POTEE: variants seen among roughly 807,000 people sequenced by gnomAD.
POTEE encodes POTE ankyrin domain family member E, also known as ANKRD26-like family C member 1A.
A neutral mutation model predicts 74.2 loss-of-function variants in POTEE; 21 were observed. The ratio of observed to expected loss-of-function variants is 0.28; its 90% CI spans 0.20 to 0.41. The LOEUF (loss-of-function observed/expected upper bound fraction) is 0.41, where lower values mean the gene tolerates loss of function less well. Ranked by LOEUF, POTEE falls within the 10% of genes least tolerant of loss-of-function variation. The pLI, the probability that POTEE is intolerant of heterozygous loss-of-function variation, is 1.00. For missense variants in POTEE, 525 were observed against 1,158.6 expected (o/e 0.45, Z 7.94); for synonymous variants, 211 against 432.8 (o/e 0.49, Z 6.36).
chr2:131,210,846 T>TGGGGGTGGTTTCAGCA (rs1379536320), intron 1 of POTEE, among the ~76,000 whole-genome samples, 182 bp from the exon 2 acceptor site: 1 of 148,884 alleles, frequency 6.7e-6, no homozygotes, highest in African/African-American at 2.5e-5. Context: ...TGCACCTGGA[T>TGGGGGTGGTTTCAGCA]GGGGGTGGTT....
chr2:131,224,668 C>G (rs1254508752), intron 6 of POTEE, among the ~76,000 whole-genome samples: 1 of 151,834 alleles, frequency 6.6e-6, no homozygotes, highest in East Asian at 1.9e-4. Flanking sequence ...CATGGTGAGA[C>G]AAGGTTCTCT....
rs1366481533 is a variant in POTEE at position 131,264,711 on chromosome 2, CCTTT to C, written c.*32_*35del. 5.5e-5 allele frequency: 36 copies of C among 654,822 alleles called. No homozygotes were observed. The highest frequency in any genetic ancestry group is 8.6e-5 in the Non-Finnish European group (34 of 396,532). The allele number at this position is 654,822 out of a possible 1,614,324, so 40.6% of individuals were successfully genotyped here. ...GGACTCTGACTTAGTTGCGTTACACCCTTTCTTGACAAAACCAAACTTCTCAGAA... is the reference window on the plus strand; with the variant it reads ...GGACTCTGACTTAGTTGCGTTACACCCTTGACAAAACCAAACTTCTCAGAA... On this transcript the variant is annotated 3_prime_UTR_variant, in exon 18 of 18. Coordinates refer to ENST00000683005, the MANE Select transcript of POTEE (RefSeq NM_001083538.3).
chr2:131,231,776 A>G (rs925950881), intron 9 of POTEE, among the ~76,000 whole-genome samples: 4 of 152,178 alleles, frequency 2.6e-5, no homozygotes, highest in Admixed American at 2.6e-4. Flanking sequence ...GATTATAATA[A>G]AAGCAGAAAA....
intron 4 of POTEE, among the ~76,000 whole-genome samples, chr2:131,220,916 G>A (rs1293234212): frequency 1.4e-5 from 2 of 146,026 alleles, no homozygotes; most frequent in African/African-American, 5.0e-5. Flanking sequence ...AGCCGAGATC[G>A]CGCCACTACA....
At chr2:131,256,618 C>A (rs200682810) in intron 16 of POTEE, among the ~76,000 whole-genome samples, 71 of 92,162 alleles carry the variant, frequency 7.7e-4, no homozygotes, top group African/African-American at 2.0e-3. Flanking sequence ...TAGCAGTTCC[C>A]TGTGTCTGGA....
Position 131,218,376 on chromosome 2 carries a change from C to G in POTEE, c.-27C>G, listed in dbSNP as rs747385471. 15 of 1,611,648 alleles carry G rather than the reference C, an allele frequency of 9.3e-6. 1 individual carries two copies. The South Asian group carries it at 1.6e-4, about 18-fold the overall frequency. ...GGTAGACGCGATCTGTTGGCTACTACTGGCTTCTCCTGGCTGTTAAAAGCA... is the reference window on the plus strand; with the variant it reads ...GGTAGACGCGATCTGTTGGCTACTAGTGGCTTCTCCTGGCTGTTAAAAGCA... On this transcript the variant is annotated 5_prime_UTR_variant, in exon 4 of 18. Transcript: ENST00000683005.
chr2:131,221,368 C>A (rs939287433), intron 4 of POTEE, among the ~76,000 whole-genome samples: 3 of 152,186 alleles, frequency 2.0e-5, no homozygotes, highest in African/African-American at 4.8e-5. Context: ...CAGTTGGTTA[C>A]ACATATACAC....
intron 7 of POTEE, among the ~76,000 whole-genome samples, 160 bp downstream of exon 7, chr2:131,227,089 TAAA>T (rs1426699311): frequency 1.3e-5 from 2 of 151,036 alleles, no homozygotes; most frequent in East Asian, 1.9e-4. Flanking sequence ...CTGGGCAACA[TAAA>T]GAACAGTTTT....
At chr2:131,230,757 T>A in intron 8 of POTEE, 79 bp from the exon 9 acceptor site, 1 of 1,524,408 alleles carries the variant, frequency 6.6e-7, no homozygotes, top group East Asian at 2.5e-5. Flanking sequence ...TGAAATACTC[T>A]TAATAATTCT....
At chr2:131,239,823 T>G (rs1415964154) in intron 12 of POTEE, among the ~76,000 whole-genome samples, 1 of 152,186 alleles carries the variant, frequency 6.6e-6, no homozygotes, top group Admixed American at 6.5e-5. Flanking sequence ...GTCGTCTCCC[T>G]CCCGCGACGC....
chr2:131,248,994 GT>G (rs1175123192), intron 13 of POTEE, among the ~76,000 whole-genome samples: 1 of 150,572 alleles, frequency 6.6e-6, no homozygotes, highest in South Asian at 2.1e-4. Flanking sequence ...GAGAAAGAGT[GT>G]TTTTTTGTAA....
intron 17 of POTEE, among the ~76,000 whole-genome samples, chr2:131,263,090 C>T (rs1186582861): frequency 7.4e-5 from 11 of 149,434 alleles, no homozygotes; most frequent in African/African-American, 2.0e-4. Context: ...TATTTTTCAT[C>T]GTCTTTAAAT....
intron 4 of POTEE, among the ~76,000 whole-genome samples, chr2:131,220,387 G>C (rs1309980710): frequency 2.6e-5 from 4 of 151,774 alleles, no homozygotes; most frequent in South Asian, 4.2e-4. Context: ...TGTATTTTTA[G>C]TAGAGATGGG....
intron 4 of POTEE, among the ~76,000 whole-genome samples, chr2:131,222,526 G>A (rs376141598): frequency 2.0e-5 from 3 of 151,922 alleles, no homozygotes; most frequent in East Asian, 3.9e-4. Flanking sequence ...GTGTTTACCT[G>A]TGTAACAAAC....
At chr2:131,212,354 C>T (rs1700377484) in intron 2 of POTEE, among the ~76,000 whole-genome samples, 1 of 151,370 alleles carries the variant, frequency 6.6e-6, no homozygotes. Flanking sequence ...CAAAAAATTG[C>T]AGCCTCTGGC....
intron 9 of POTEE, among the ~76,000 whole-genome samples, chr2:131,236,047 C>T (rs1559187856): frequency 6.6e-6 from 1 of 152,018 alleles, no homozygotes; most frequent in Non-Finnish European, 1.5e-5. Context: ...TGAACAAAGA[C>T]ACGGCTTGGC....
At chr2:131,219,580 A>T (rs188362366) in intron 4 of POTEE, among the ~76,000 whole-genome samples, 2,167 of 152,096 alleles carry the variant, frequency 0.014, 58 homozygotes, top group African/African-American at 0.05. Flanking sequence ...TAAAAAATAT[A>T]AAAAAAATTA....
At chr2:131,233,053 A>G (rs907216735) in intron 9 of POTEE, among the ~76,000 whole-genome samples, 1 of 152,048 alleles carries the variant, frequency 6.6e-6, no homozygotes, top group African/African-American at 2.4e-5. Context: ...AAATATCCCA[A>G]TAGACTTGGA....
intron 2 of POTEE, among the ~76,000 whole-genome samples, chr2:131,214,543 A>C (rs1465679199): frequency 6.6e-6 from 1 of 152,318 alleles, no homozygotes; most frequent in East Asian, 1.9e-4. Flanking sequence ...TCTTGTCTAG[A>C]AGTGTTGTGT....
Sources: allele counts gnomAD v4.1 joint callset (sites outside exome capture counted in the v4.1 genomes callset), GRCh38; gene constraint gnomAD v4.1.1; transcripts MANE v1.5; gene names NCBI Gene and HGNC (gene_info 2026-07-23, HGNC 2026-07-21).